The following DNAH5 variants were observed in gnomAD, a reference collection of about 807,000 sequenced individuals.
DNAH5 encodes axonemal beta dynein heavy chain 5.
DNAH5 carries 372 observed loss-of-function variants against 518.2 expected under a neutral mutation model. The observed-to-expected ratio is 0.72, with a 90% CI of 0.66 to 0.78. The LOEUF (loss-of-function observed/expected upper bound fraction) is 0.78. Among genes scored for constraint, DNAH5 ranks in the 30% least tolerant of loss-of-function variants. The pLI is 0.00. For synonymous variants in DNAH5, 2,039 were observed against 2,025.9 expected (o/e 1.01, Z -0.17); for missense variants, 5,523 against 5,687.0 (o/e 0.97, Z 0.93).
chr5:13,778,587 A>AAAGG (rs1561234546), intron 53 of DNAH5, among the ~76,000 whole-genome samples: 3 of 73,490 alleles, frequency 4.1e-5, no homozygotes, highest in African/African-American at 1.7e-4. Context: ...AGAAAGAAAG[A>AAAGG]AAGAAAGAAA....
chr5:13,730,345 T>C (rs1746314088), intron 68 of DNAH5, among the ~76,000 whole-genome samples: 1 of 152,216 alleles, frequency 6.6e-6, no homozygotes, highest in African/African-American at 2.4e-5. Flanking sequence ...GAATAAAGGA[T>C]AAAGTTAAGA....
At chr5:13,823,535 A>G (rs1470185658) in intron 39 of DNAH5, among the ~76,000 whole-genome samples, 165 bp from the exon 40 acceptor site, 5 of 152,240 alleles carry the variant, frequency 3.3e-5, no homozygotes, top group Non-Finnish European at 5.9e-5. Context: ...CATCTTTCCC[A>G]TAAATTAAAA....
At chr5:13,804,582 T>C (rs10044148) in intron 47 of DNAH5, among the ~76,000 whole-genome samples, 1,750 of 152,326 alleles carry the variant, frequency 0.011, 29 homozygotes, top group African/African-American at 0.04. Context: ...TCTTGCTTAA[T>C]AGAAATCCCT....
In DNAH5 at chr5:13,769,517, T is replaced by G. The variant is rs142633108; in HGVS notation, c.9704A>C (p.Asn3235Thr). The G allele has an allele frequency of 2.5e-6, 4 of 1,613,956 alleles. No individual in the cohort carries two copies. Among genetic ancestry groups the G allele is most frequent in the Non-Finnish European group, 3.4e-6 (4 of 1,179,934 alleles). The change falls in exon 57 of 79, where the codon AAC (asparagine) becomes ACC (threonine). Residue 3235 changes from asparagine (N) to threonine (T), a missense_variant. Asn to Thr is a moderately conservative substitution (Grantham distance 65, BLOSUM62 0). Transcript: ENST00000265104. ...EAKEKELQVANDKADMVLKEV... is the reference protein window; with the variant it reads ...EAKEKELQVATDKADMVLKEV... Reference sequence around the variant, plus strand: ...CCCACCCACCATGTCGGCTTTATCGTTGGCCACTTGTAGCTCCTTTTCTTT... The same window carrying G: ...CCCACCCACCATGTCGGCTTTATCGGTGGCCACTTGTAGCTCCTTTTCTTT...
Position 13,731,413 on chromosome 5 carries a change from G to A in DNAH5, c.11762-1853C>T, listed in dbSNP as rs567663454. Among the ~76,000 whole-genome samples, 19 of 152,086 alleles carry A rather than the reference G, an allele frequency of 1.2e-4. No individual in the cohort carries two copies. In the South Asian group the frequency reaches 3.3e-3, roughly 27 times the overall value. ...TCACAGAAAGGAAAGAGTGTTCCTC[G>A]CGGGCCAGAGTATTATTCATTGTTT... On this transcript the variant is annotated intron_variant, in intron 68 of 78. Coordinates refer to ENST00000265104, the MANE Select transcript of DNAH5 (RefSeq NM_001369.3).
chr5:13,696,266 T>C (rs1182903936), intron 78 of DNAH5, among the ~76,000 whole-genome samples: 1 of 152,202 alleles, frequency 6.6e-6, no homozygotes, highest in Non-Finnish European at 1.5e-5. Flanking sequence ...TTGAGAATCA[T>C]CAATCTGCTC....
chr5:13,799,762 G>T (rs1758447122), intron 47 of DNAH5, among the ~76,000 whole-genome samples: 1 of 152,026 alleles, frequency 6.6e-6, no homozygotes, highest in Non-Finnish European at 1.5e-5. Flanking sequence ...GGGAATATTT[G>T]CATATACATA....
intron 12 of DNAH5, among the ~76,000 whole-genome samples, chr5:13,903,913 T>C (rs979344683): frequency 6.6e-6 from 1 of 152,062 alleles, no homozygotes; most frequent in Non-Finnish European, 1.5e-5. Context: ...ATACGATTAC[T>C]AACAAGATGC....
At position 13,690,748 on chromosome 5, in the gene DNAH5, A is replaced by T. The variant is rs1740616297; in HGVS notation, c.*1236T>A. 6.6e-6 allele frequency: 1 copy of T among 152,374 alleles called. No individual in the cohort carries two copies. Among genetic ancestry groups the T allele is most frequent in the Non-Finnish European group, 1.5e-5 (1 of 68,034 alleles). 9.4% of individuals were successfully genotyped at this position (152,374 alleles called of 1,614,324 possible). On this transcript the variant is annotated 3_prime_UTR_variant, in exon 79 of 79. Coordinates refer to ENST00000265104, the MANE Select transcript of DNAH5 (RefSeq NM_001369.3). ...AGAATTATTAATAACATCTAACCAG[A>T]ATTTAAAGAAAAATACGTGAAAAGT...
intron 68 of DNAH5, among the ~76,000 whole-genome samples, chr5:13,732,671 G>C (rs909586223): frequency 6.6e-6 from 1 of 151,988 alleles, no homozygotes; most frequent in African/African-American, 2.4e-5. Context: ...ACCTGGGTGG[G>C]CCTCTCTTAT....
At chr5:14,004,604 G>A (rs400082) in intron 1 of DNAH5, among the ~76,000 whole-genome samples, 108,983 of 152,176 alleles carry the variant, frequency 0.72, 39,243 homozygotes, top group South Asian at 0.8. Flanking sequence ...CTTTGGGCAA[G>A]CCACCTAACT....
intron 55 of DNAH5, chr5:13,771,204 A>G (rs1580152452): frequency 1.9e-6 from 1 of 538,108 alleles, no homozygotes; most frequent in East Asian, 3.2e-5. Flanking sequence ...AAGCCTATCA[A>G]CACTCTTTGT....
At chr5:13,737,732 C>G (rs541343592) in intron 65 of DNAH5, among the ~76,000 whole-genome samples, 1 of 151,810 alleles carries the variant, frequency 6.6e-6, no homozygotes, top group Admixed American at 6.6e-5. Flanking sequence ...CGAGACTAGC[C>G]TGGTCAACAT....
chr5:13,754,489 G>T, intron 61 of DNAH5, 151 bp from the exon 62 acceptor site: 1 of 897,986 alleles, frequency 1.1e-6, no homozygotes, highest in Non-Finnish European at 1.8e-6. Flanking sequence ...ATTTCCATGT[G>T]TCTGTCAGCC....
intron 50 of DNAH5, among the ~76,000 whole-genome samples, chr5:13,791,039 A>G (rs923843023): frequency 2.0e-4 from 31 of 152,322 alleles, no homozygotes; most frequent in African/African-American, 7.2e-4. Context: ...TACCTATGGA[A>G]CAAACCTTCA....
chr5:13,805,570 C>T (rs183633573), intron 47 of DNAH5, among the ~76,000 whole-genome samples: 28 of 152,062 alleles, frequency 1.8e-4, no homozygotes, highest in African/African-American at 6.5e-4. Context: ...AATAAAACCC[C>T]AATAAAAACC....
At chr5:13,862,488 T>C in intron 29 of DNAH5, 60 bp downstream of exon 29, 1 of 1,517,112 alleles carries the variant, frequency 6.6e-7, no homozygotes, top group South Asian at 1.1e-5. Context: ...TTTTCATTAA[T>C]TTTAAATGTT....
At chr5:13,696,850 T>C (rs185119334) in intron 78 of DNAH5, among the ~76,000 whole-genome samples, 13 of 152,326 alleles carry the variant, frequency 8.5e-5, no homozygotes, top group Admixed American at 6.5e-4. Context: ...TTTAATACTT[T>C]GAAATTAGCC....
At position 13,807,577 on chromosome 5, in the gene DNAH5, C is replaced by T; in HGVS notation, c.7887+14G>A. On this transcript the variant is annotated intron_variant, in intron 47 of 78. Transcript: ENST00000265104. ...CAAAATTGGGCTTACTGAGCCATAC[C>T]AAAGAGCCAGTACCTGGAACATCAG... 6.2e-7 allele frequency: 1 copy of T among 1,612,740 alleles called. No homozygotes were observed. Among genetic ancestry groups the T allele is most frequent in the South Asian group, 1.1e-5 (1 of 90,844 alleles).
Sources: gnomAD v4.1 joint callset for allele counts (sites outside exome capture counted in the v4.1 genomes callset) on GRCh38, gnomAD v4.1.1 for gene constraint, MANE v1.5 for transcripts, NCBI Gene and HGNC (gene_info 2026-07-23, HGNC 2026-07-21) for gene names.